The following PCLO variants were observed in gnomAD, a reference collection of about 807,000 sequenced individuals.
PCLO encodes protein piccolo.
PCLO carries 82 observed loss-of-function variants against 427.5 expected under a neutral mutation model. That is an observed-to-expected ratio of 0.19 (90% confidence interval 0.16 to 0.23). PCLO has a LOEUF of 0.23. Ranked by LOEUF, PCLO falls within the 10% of genes least tolerant of loss-of-function variation. The pLI is 1.00. For synonymous variants in PCLO, 2,357 were observed against 2,155.4 expected (o/e 1.09, Z -2.59); for missense variants, 6,239 against 6,115.9 (o/e 1.02, Z -0.67).
At chr7:83,158,044 T>C (rs979848637) in intron 1 of PCLO, among the ~76,000 whole-genome samples, 3 of 152,072 alleles carry the variant, frequency 2.0e-5, no homozygotes, top group Non-Finnish European at 4.4e-5. Flanking sequence ...AAAGAAGCAT[T>C]ACTTCTAGGT....
intron 3 of PCLO, among the ~76,000 whole-genome samples, chr7:83,127,017 C>T (rs576478365): frequency 2.6e-5 from 4 of 152,116 alleles, no homozygotes; most frequent in Admixed American, 2.6e-4. Flanking sequence ...ACATCCATTT[C>T]AATGAATTTA....
intron 10 of PCLO, among the ~76,000 whole-genome samples, chr7:82,856,570 G>T (rs1445722577): frequency 6.6e-6 from 1 of 152,128 alleles, no homozygotes; most frequent in Non-Finnish European, 1.5e-5. Flanking sequence ...GAGTATATTA[G>T]TATAATTTGA....
At chr7:82,838,968 A>G (rs1393822575) in intron 14 of PCLO, among the ~76,000 whole-genome samples, 2 of 152,088 alleles carry the variant, frequency 1.3e-5, no homozygotes, top group Non-Finnish European at 1.5e-5. Flanking sequence ...AAAAAAGAAG[A>G]GACATTGCTT....
At chr7:82,985,187 C>T (rs371693086) in intron 3 of PCLO, among the ~76,000 whole-genome samples, 1 of 152,038 alleles carries the variant, frequency 6.6e-6, no homozygotes, top group South Asian at 2.1e-4. Flanking sequence ...AGTGCCAAAG[C>T]TCAATCCATG....
intron 10 of PCLO, among the ~76,000 whole-genome samples, chr7:82,850,229 G>C (rs1792615115): frequency 6.6e-6 from 1 of 151,952 alleles, no homozygotes; most frequent in Non-Finnish European, 1.5e-5. Context: ...GCCTGGTCTT[G>C]AACTCCTGAC....
At chr7:82,992,907 T>C (rs1796410106) in intron 3 of PCLO, among the ~76,000 whole-genome samples, 1 of 152,118 alleles carries the variant, frequency 6.6e-6, no homozygotes, top group Non-Finnish European at 1.5e-5. Flanking sequence ...AATCATCTGG[T>C]AATCAATGCA....
At chr7:83,002,911 T>G (rs1787858263) in intron 3 of PCLO, among the ~76,000 whole-genome samples, 1 of 151,416 alleles carries the variant, frequency 6.6e-6, no homozygotes, top group African/African-American at 2.4e-5. Context: ...ACATAATATA[T>G]TTTCCCTATT....
At chr7:82,937,961 T>C (rs6956451) in intron 6 of PCLO, among the ~76,000 whole-genome samples, 2 of 151,850 alleles carry the variant, frequency 1.3e-5, no homozygotes, top group Admixed American at 1.3e-4. Context: ...CTAATGGGTA[T>C]TTTGAGTTAC....
chr7:83,024,398 G>A (rs193973), intron 3 of PCLO, among the ~76,000 whole-genome samples: 32,100 of 152,186 alleles, frequency 0.21, 4,308 homozygotes, highest in Middle Eastern at 0.33. Context: ...CTTTTCCGAT[G>A]AGCTTAAAAA....
Position 82,965,996 on chromosome 7 carries a change from T to A in PCLO, c.3792A>T (p.Leu1264Phe), listed in dbSNP as rs1220256501. ...CAGCAATTTGTACTTGAGATTTAAGTAAGTCATGTTTCTGTTCTTCTGGGG... is the reference window on the plus strand; with the variant it reads ...CAGCAATTTGTACTTGAGATTTAAGAAAGTCATGTTTCTGTTCTTCTGGGG... ...TSAPEEQKHD[L>F]LKSQVQIAEE... The change falls in exon 4 of 25, where the codon TTA becomes TTT. Residue 1264 changes from leucine (L) to phenylalanine (F), a missense_variant. By Grantham distance (22) the Leu-to-Phe change is conservative. Around this residue, in one of 5 missense-constraint regions of PCLO, gnomAD observed 4,677 missense variants for 4,468.4 expected, o/e 1.05. Coordinates refer to ENST00000333891, the MANE Select transcript of PCLO (RefSeq NM_033026.6). 6.2e-7 allele frequency: 1 copy of A among 1,613,806 alleles called. No homozygotes were observed. Among genetic ancestry groups the A allele is most frequent in the Non-Finnish European group, 8.5e-7 (1 of 1,179,846 alleles).
intron 3 of PCLO, among the ~76,000 whole-genome samples, chr7:82,988,777 T>C (rs1796309419): frequency 6.6e-6 from 1 of 151,984 alleles, no homozygotes; most frequent in African/African-American, 2.4e-5. Flanking sequence ...GGTTTTCTTT[T>C]CAGAACATTT....
chr7:82,860,005 G>A (rs564279759), intron 10 of PCLO, among the ~76,000 whole-genome samples: 1 of 152,064 alleles, frequency 6.6e-6, no homozygotes, highest in East Asian at 1.9e-4. Flanking sequence ...CTTGAATACA[G>A]GCTATTTTAA....
At chr7:83,140,304 A>C (rs1791829525) in intron 2 of PCLO, among the ~76,000 whole-genome samples, 1 of 152,208 alleles carries the variant, frequency 6.6e-6, no homozygotes, top group African/African-American at 2.4e-5. Flanking sequence ...ACCAAAAGTA[A>C]CCTGTTTAAT....
At chr7:82,888,257 T>A (rs904470640) in intron 9 of PCLO, among the ~76,000 whole-genome samples, 1 of 152,104 alleles carries the variant, frequency 6.6e-6, no homozygotes, top group African/African-American at 2.4e-5. Flanking sequence ...AGGGTGACAG[T>A]TTTACTTTCT....
intron 2 of PCLO, among the ~76,000 whole-genome samples, chr7:83,146,597 C>CTT (rs11354844): frequency 1.5e-5 from 2 of 135,172 alleles, no homozygotes; most frequent in African/African-American, 2.7e-5. Flanking sequence ...CCAATAAATA[C>CTT]TTTTTTTTTT....
chr7:82,882,732 A>G (rs1041214260), intron 9 of PCLO, among the ~76,000 whole-genome samples: 1 of 152,154 alleles, frequency 6.6e-6, no homozygotes, highest in African/African-American at 2.4e-5. Flanking sequence ...GAGAATTACA[A>G]TTTAAGTCTC....
chr7:82,927,925 G>A lies in PCLO; in HGVS notation c.11113-11052C>T, dbSNP rs563610945. On this transcript the variant is annotated intron_variant, in intron 6 of 24. Transcript: ENST00000333891. Reference sequence around the variant, plus strand: ...CTGTTAGCTTCAGAAAATGGGAGGGGTGATCTGAATTTACTGTTCAGCTGT... The same window carrying A: ...CTGTTAGCTTCAGAAAATGGGAGGGATGATCTGAATTTACTGTTCAGCTGT... Among the ~76,000 whole-genome samples, 3 of 152,214 alleles carry A rather than the reference G, an allele frequency of 2.0e-5. No individual in the cohort carries two copies. The South Asian group carries it at 6.2e-4, about 32-fold the overall frequency.
At chr7:83,060,614 G>A (rs1789519905) in intron 3 of PCLO, among the ~76,000 whole-genome samples, 1 of 152,056 alleles carries the variant, frequency 6.6e-6, no homozygotes. Flanking sequence ...TAGCACTATT[G>A]GAACATAAGG....
chr7:83,054,447 T>G (rs1382546047), intron 3 of PCLO, among the ~76,000 whole-genome samples: 1 of 152,086 alleles, frequency 6.6e-6, no homozygotes, highest in Non-Finnish European at 1.5e-5. Flanking sequence ...TTCTCCAAGA[T>G]TATAGCATTG....
Sources: allele counts gnomAD v4.1 joint callset (sites outside exome capture counted in the v4.1 genomes callset), GRCh38; gene constraint gnomAD v4.1.1; regional missense constraint gnomAD v4.1.1; transcripts MANE v1.5; gene names NCBI Gene and HGNC (gene_info 2026-07-23, HGNC 2026-07-21).